KCTD1: variants seen among roughly 807,000 people sequenced by gnomAD.
KCTD1 encodes the protein potassium channel tetramerization domain containing 1.
Under a neutral mutation model 66.0 loss-of-function variants are expected in KCTD1, and 24 were observed. That is an observed-to-expected ratio of 0.36 (90% confidence interval 0.26 to 0.51). The LOEUF (loss-of-function observed/expected upper bound fraction) is 0.51, where lower values mean the gene tolerates loss of function less well. KCTD1 is among the 20% of genes least tolerant of loss of function. KCTD1 has a pLI of 0.95. For missense variants in KCTD1, 943 were observed against 1,205.2 expected (o/e 0.78, Z 3.22); for synonymous variants, 511 against 517.2 (o/e 0.99, Z 0.16).
intron 1 of KCTD1, chr18:26,600,405 C>A: frequency 1.2e-6 from 1 of 836,620 alleles, no homozygotes; most frequent in Non-Finnish European, 2.0e-6. Context: ...AATCCCACCA[C>A]GGTGTCTCCT....
chr18:26,608,581 T>C (rs1598964813), intron 1 of KCTD1, among the ~76,000 whole-genome samples: 1 of 152,172 alleles, frequency 6.6e-6, no homozygotes. Context: ...GCAGGGTCGG[T>C]GGGCTGCTCC....
chr18:26,480,766 T>TAAAAA (rs886104716), intron 2 of KCTD1, among the ~76,000 whole-genome samples: 1 of 147,090 alleles, frequency 6.8e-6, no homozygotes. Flanking sequence ...GACTTTGTCT[T>TAAAAA]AAAAAAAAAA....
upstream of KCTD1, among the ~76,000 whole-genome samples, chr18:26,552,314 A>ATC (rs1250869367): frequency 1.3e-5 from 2 of 152,184 alleles, no homozygotes; most frequent in African/African-American, 4.8e-5. Context: ...TCTGAGTATC[A>ATC]TCTGTTAATA....
intron 1 of KCTD1, among the ~76,000 whole-genome samples, chr18:26,515,716 G>A (rs1474941092): frequency 6.6e-6 from 1 of 152,006 alleles, no homozygotes; most frequent in Non-Finnish European, 1.5e-5. Flanking sequence ...CACTGTGTTA[G>A]CCAGGCTGGT....
chr18:26,644,428 G>A (rs568653678), upstream of KCTD1, among the ~76,000 whole-genome samples: 1 of 152,210 alleles, frequency 6.6e-6, no homozygotes, highest in Non-Finnish European at 1.5e-5. Context: ...ACTAAGGAGG[G>A]AGAGTTGACA....
chr18:26,466,865 T>C (rs1305856306), intron 3 of KCTD1, among the ~76,000 whole-genome samples: 1 of 152,182 alleles, frequency 6.6e-6, no homozygotes, highest in Non-Finnish European at 1.5e-5. Flanking sequence ...GATAGATTCA[T>C]GAGCTAAACT....
chr18:26,566,251 G>C (rs1985977591), intron 1 of KCTD1: 1 of 152,146 alleles, frequency 6.6e-6, no homozygotes, highest in Non-Finnish European at 1.5e-5. Flanking sequence ...CAATTCTCCA[G>C]GTTTCATGGT....
chr18:26,481,169 C>T (rs1287199418), intron 2 of KCTD1, among the ~76,000 whole-genome samples: 1 of 152,140 alleles, frequency 6.6e-6, no homozygotes, highest in Non-Finnish European at 1.5e-5. Context: ...AGTAAATAAG[C>T]CACAGTCCTT....
chr18:26,572,513 G>A (rs1245799432), intron 1 of KCTD1, among the ~76,000 whole-genome samples: 1 of 152,144 alleles, frequency 6.6e-6, no homozygotes, highest in Non-Finnish European at 1.5e-5. Context: ...TTTTATTAGG[G>A]CCAGAGTTAT....
At chr18:26,609,387 G>A (rs1987086045) in intron 1 of KCTD1, among the ~76,000 whole-genome samples, 2 of 152,220 alleles carry the variant, frequency 1.3e-5, no homozygotes, top group African/African-American at 4.8e-5. Flanking sequence ...CCACTGCCAC[G>A]CTGGGAATGA....
At chr18:26,599,311 A>G (rs369465419) in intron 1 of KCTD1, 31 of 1,106,026 alleles carry the variant, frequency 2.8e-5, no homozygotes, top group Non-Finnish European at 3.7e-5. Context: ...TAGAAATTCA[A>G]TTGACTGGGG....
rs1985341378 is a variant in KCTD1, at chr18:26,548,062, C to T, written c.475G>A (p.Val159Met). 1 of 1,493,320 alleles carries T rather than the reference C, an allele frequency of 6.7e-7. No homozygotes were observed. Among genetic ancestry groups the T allele is most frequent in the Non-Finnish European group, 8.9e-7 (1 of 1,123,172 alleles). The allele number at this position is 1,493,320 out of a possible 1,614,324, so 92.5% of individuals were successfully genotyped here. Reference protein sequence around the residue: ...PGDGSELDPDVLQRPERARLS... With the variant: ...PGDGSELDPDMLQRPERARLS... ...CGGGCCCGCTCGGGGCGCTGCAGCACGTCGGGGTCCAGCTCGGAGCCGTCC... is the reference window on the plus strand; with the variant it reads ...CGGGCCCGCTCGGGGCGCTGCAGCATGTCGGGGTCCAGCTCGGAGCCGTCC... Residue 159 changes from valine to methionine, a missense_variant, in exon 1 of 5, where the codon GTG becomes ATG. By Grantham distance (21) the Val-to-Met change is conservative. Coordinates refer to ENST00000580059, the MANE Select transcript of KCTD1 (RefSeq NM_001142730.3).
At chr18:26,574,366 C>G (rs924452899) in intron 1 of KCTD1, among the ~76,000 whole-genome samples, 1 of 152,184 alleles carries the variant, frequency 6.6e-6, no homozygotes, top group Non-Finnish European at 1.5e-5. Flanking sequence ...CTTTAGGTAG[C>G]ACAGTATCCT....
chr18:26,531,397 T>TAA (rs1310954821), intron 1 of KCTD1, among the ~76,000 whole-genome samples: 1 of 152,170 alleles, frequency 6.6e-6, no homozygotes, highest in Non-Finnish European at 1.5e-5. Flanking sequence ...GTTGAAATAC[T>TAA]TTAAGTCAAA....
chr18:26,484,617 A>G (rs1426558333), intron 2 of KCTD1, among the ~76,000 whole-genome samples: 1 of 152,196 alleles, frequency 6.6e-6, no homozygotes, highest in African/African-American at 2.4e-5. Context: ...ATTACAATGA[A>G]ACTGAATCTT....
intron 1 of KCTD1, among the ~76,000 whole-genome samples, chr18:26,586,370 G>A (rs541536301): frequency 5.3e-5 from 8 of 152,240 alleles, no homozygotes; most frequent in South Asian, 2.1e-4. Flanking sequence ...ATCAATAAGC[G>A]TTGCATGTGT....
At chr18:26,600,332 A>C in intron 1 of KCTD1, 1 of 1,523,466 alleles carries the variant, frequency 6.6e-7, no homozygotes, top group Non-Finnish European at 9.1e-7. Context: ...AGCAATCTTC[A>C]TGATGCCTAG....
At chr18:26,477,238 G>A (rs73399541) in intron 2 of KCTD1, among the ~76,000 whole-genome samples, 4,498 of 152,136 alleles carry the variant, frequency 0.03, 214 homozygotes, top group African/African-American at 0.1. Context: ...AGGTCTCAGC[G>A]CAAAAAGCAT....
At chr18:26,637,421 T>G (rs1598978971) in intron 1 of KCTD1, among the ~76,000 whole-genome samples, 1 of 152,184 alleles carries the variant, frequency 6.6e-6, no homozygotes, top group East Asian at 1.9e-4. Flanking sequence ...GGGGTGGTGC[T>G]GATGTGAGCT....
Sources: allele counts gnomAD v4.1 joint callset (sites outside exome capture counted in the v4.1 genomes callset), GRCh38; gene constraint gnomAD v4.1.1; transcripts MANE v1.5; gene names NCBI Gene and HGNC (gene_info 2026-07-23, HGNC 2026-07-21).